Variants in CRACDL observed in about 807,000 individuals in gnomAD.
CRACDL encodes CRACD like, also known as CRACD-like protein.
CRACDL carries 26 observed loss-of-function variants against 70.6 expected under a neutral mutation model. The ratio of observed to expected loss-of-function variants is 0.37; its 90% CI spans 0.27 to 0.51. The LOEUF (loss-of-function observed/expected upper bound fraction) is 0.51, where lower values mean the gene tolerates loss of function less well. CRACDL is among the 20% of genes least tolerant of loss of function. The pLI, the probability that CRACDL is intolerant of heterozygous loss-of-function variation, is 0.94. For synonymous variants in CRACDL, 618 were observed against 615.2 expected (o/e 1.00, Z -0.07); for missense variants, 1,283 against 1,376.9 (o/e 0.93, Z 1.08).
In CRACDL at chr2:98,833,051, T is replaced by TG. The variant is rs1705613907; in HGVS notation, c.240-55dup. 3.9e-6 allele frequency: 6 copies of TG among 1,531,714 alleles called. No homozygotes were observed. In the Admixed American group the frequency reaches 6.4e-5, roughly 16 times the overall value. 94.9% of individuals were successfully genotyped at this position (1,531,714 alleles called of 1,614,324 possible). A position where few individuals can be genotyped will look rare whatever the true frequency, so the allele number is the denominator to read the frequency against. ...TGCCCACCTCCATCTTACTGACCCC[T>TG]GGGGGGCTCAGAATGAGAAAGAGGG... On this transcript the variant is annotated intron_variant, in intron 3 of 9. Coordinates refer to ENST00000397899, the MANE Select transcript of CRACDL (RefSeq NM_207362.3).
chr2:98,848,930 G>A (rs1301875745), intron 1 of CRACDL, among the ~76,000 whole-genome samples: 1 of 152,186 alleles, frequency 6.6e-6, no homozygotes, highest in East Asian at 1.9e-4. Context: ...ACTTGCCTAA[G>A]GTAGCAGAGC....
In CRACDL at chr2:98,822,623, C is replaced by A. The variant is rs1343739023; in HGVS notation, c.1650G>T (p.Ala550=). 10 of 1,370,086 alleles carry A rather than the reference C, an allele frequency of 7.3e-6. No individual in the cohort carries two copies. Among genetic ancestry groups the A allele is most frequent in the Non-Finnish European group, 8.4e-6 (9 of 1,071,042 alleles). 84.9% of individuals were successfully genotyped at this position (1,370,086 alleles called of 1,614,324 possible). The part of the protein sequence containing the change: ...PKAERAEAPP[A]GAERAAPERK... ...GCTCTGGCGCCGCCCTCTCGGCGCC[C>A]GCCGGTGGCGCCTCGGCTCGCTCGG... Residue 550 remains alanine (A), a synonymous_variant, in exon 7 of 10, where the codon GCG becomes GCT. Coordinates refer to ENST00000397899, the MANE Select transcript of CRACDL (RefSeq NM_207362.3). This position sits in a 1 kb window ranked among gnomAD's most constrained non-coding sequence, Gnocchi z 4.9.
intron 1 of CRACDL, among the ~76,000 whole-genome samples, chr2:98,894,548 C>A (rs1708067593): frequency 6.6e-6 from 1 of 152,170 alleles, no homozygotes; most frequent in African/African-American, 2.4e-5. Context: ...GGGTGGCAAT[C>A]TGTGTAGTGA....
intron 1 of CRACDL, among the ~76,000 whole-genome samples, chr2:98,848,414 TG>T: frequency 6.6e-6 from 1 of 152,086 alleles, no homozygotes; most frequent in Admixed American, 6.5e-5. Context: ...AAACATACGG[TG>T]TAAGGGGAAG....
At chr2:98,811,691 C>A (rs1704571894) in intron 7 of CRACDL, among the ~76,000 whole-genome samples, 7 of 152,094 alleles carry the variant, frequency 4.6e-5, no homozygotes, top group Admixed American at 4.6e-4. Context: ...CCCTATGTAA[C>A]CAGACTCTCC....
At chr2:98,906,197 C>T (rs1708408900) in intron 1 of CRACDL, among the ~76,000 whole-genome samples, 1 of 151,468 alleles carries the variant, frequency 6.6e-6, no homozygotes, top group Non-Finnish European at 1.5e-5. Flanking sequence ...CTGACATTTT[C>T]TTCTGCCAGT....
intron 5 of CRACDL, among the ~76,000 whole-genome samples, chr2:98,828,252 A>AG (rs1705393395): frequency 6.6e-6 from 1 of 152,190 alleles, no homozygotes; most frequent in South Asian, 2.1e-4. Context: ...AGCCCAGATG[A>AG]GGGGCGAGGT....
At chr2:98,847,231 T>A (rs989956414) in intron 1 of CRACDL, among the ~76,000 whole-genome samples, 2 of 152,234 alleles carry the variant, frequency 1.3e-5, no homozygotes, top group African/African-American at 2.4e-5. Context: ...CTTCCAATAA[T>A]TTTTTACGCA....
At chr2:98,859,147 T>C (rs1706833851) in intron 1 of CRACDL, among the ~76,000 whole-genome samples, 1 of 152,146 alleles carries the variant, frequency 6.6e-6, no homozygotes, top group Non-Finnish European at 1.5e-5. Flanking sequence ...AAGCCAGTAT[T>C]ACCCTAATAC....
chr2:98,806,909 C>T (rs544452805), intron 7 of CRACDL, among the ~76,000 whole-genome samples: 1 of 152,294 alleles, frequency 6.6e-6, no homozygotes, highest in South Asian at 2.1e-4. Context: ...ATTCCAGGGG[C>T]AGCTATTGTC....
At chr2:98,797,775 T>C (rs556517530) in intron 7 of CRACDL, among the ~76,000 whole-genome samples, 1 of 152,298 alleles carries the variant, frequency 6.6e-6, no homozygotes, top group Non-Finnish European at 1.5e-5. Flanking sequence ...CGGTGTGTAC[T>C]TTAAAGCCAA....
At chr2:98,831,559 C>A (rs1054081131) in intron 5 of CRACDL, among the ~76,000 whole-genome samples, 6 of 152,222 alleles carry the variant, frequency 3.9e-5, no homozygotes, top group Non-Finnish European at 5.9e-5. Context: ...ATAACTCCAA[C>A]TCTATCCATC....
rs1359052850 is a variant in CRACDL at position 98,823,652 on chromosome 2, G to A, written c.736-115C>T. On this transcript the variant is annotated intron_variant, in intron 6 of 9. Transcript: ENST00000397899. This position sits in a 1 kb window ranked among gnomAD's most constrained non-coding sequence, Gnocchi z 4.0. ...TTAGTGATAGCAGCACTATAAAGCT[G>A]GCACTTAAGTAGGCATGTACCCACG... 3 of 1,321,482 alleles carry A rather than the reference G, an allele frequency of 2.3e-6. No homozygotes were observed. The East Asian group carries it at 7.5e-5, about 33-fold the overall frequency. The allele number at this position is 1,321,482 out of a possible 1,614,324, so 81.9% of individuals were successfully genotyped here. A position where few individuals can be genotyped will look rare whatever the true frequency, so the allele number is the denominator to read the frequency against.
At chr2:98,904,923 G>A (rs955777201) in intron 1 of CRACDL, among the ~76,000 whole-genome samples, 1 of 152,168 alleles carries the variant, frequency 6.6e-6, no homozygotes, top group African/African-American at 2.4e-5. Flanking sequence ...CTTCCCCATT[G>A]TAATGAGTTC....
intron 1 of CRACDL, among the ~76,000 whole-genome samples, chr2:98,915,224 G>A (rs1353055289): frequency 6.6e-6 from 1 of 152,206 alleles, no homozygotes; most frequent in Non-Finnish European, 1.5e-5. Context: ...GAGACAAGGG[G>A]GCACAGAGTG....
intron 6 of CRACDL, among the ~76,000 whole-genome samples, chr2:98,824,749 T>C (rs932340202): frequency 5.3e-5 from 8 of 152,222 alleles, no homozygotes; most frequent in Non-Finnish European, 1.0e-4. Context: ...TTTCATGGCA[T>C]CTGCTTGCTA....
intron 1 of CRACDL, among the ~76,000 whole-genome samples, chr2:98,901,063 A>T (rs1350627454): frequency 1.3e-5 from 2 of 152,214 alleles, no homozygotes; most frequent in African/African-American, 4.8e-5. Context: ...TCAAGCATGT[A>T]AAAGCACGTG....
At chr2:98,901,236 G>A (rs960565321) in intron 1 of CRACDL, among the ~76,000 whole-genome samples, 2 of 152,212 alleles carry the variant, frequency 1.3e-5, no homozygotes, top group Non-Finnish European at 1.5e-5. Flanking sequence ...GCCATAGAAA[G>A]GGCTCAATAA....
chr2:98,876,049 C>A lies in CRACDL; in HGVS notation c.-10-29239G>T, dbSNP rs571896537. 3.3e-5 allele frequency among the ~76,000 whole-genome samples: 5 copies of A among 152,328 alleles called. No individual in the cohort carries two copies. In the South Asian group the frequency reaches 1.0e-3, roughly 32 times the overall value. ...CAAGCTTGCAAACTGGTTTCTTACA[C>A]TTGAGAGCAAAAGCCAGTGTGCTCC... On this transcript the variant is annotated intron_variant, in intron 1 of 9. Coordinates refer to ENST00000397899, the MANE Select transcript of CRACDL (RefSeq NM_207362.3).
Sources: allele counts gnomAD v4.1 joint callset (sites outside exome capture counted in the v4.1 genomes callset), GRCh38; gene constraint gnomAD v4.1.1; non-coding constraint Gnocchi (gnomAD v3.1); transcripts MANE v1.5; gene names NCBI Gene and HGNC (gene_info 2026-07-23, HGNC 2026-07-21).